IFT27: variants seen among roughly 807,000 people sequenced by gnomAD.
IFT27 encodes intraflagellar transport 27, also known as intraflagellar transport protein 27 homolog.
Under a neutral mutation model 23.9 loss-of-function variants are expected in IFT27, and 19 were observed. The observed-to-expected ratio is 0.79, with a 90% CI of 0.55 to 1.16. The LOEUF (loss-of-function observed/expected upper bound fraction) is 1.16. IFT27 is among the 50% of genes most tolerant of loss of function. The pLI is 0.00. For synonymous variants in IFT27, 91 were observed against 89.1 expected (o/e 1.02, Z -0.12); for missense variants, 206 against 228.7 (o/e 0.90, Z 0.64).
At chr22:36,763,603 A>G in intron 5 of IFT27, 1 of 453,944 alleles carries the variant, frequency 2.2e-6, no homozygotes, top group South Asian at 2.1e-5. Flanking sequence ...TATACAAGAG[A>G]AAATTAGGAA....
intron 1 of IFT27, among the ~76,000 whole-genome samples, chr22:36,774,328 CT>C (rs1555908925): frequency 1.3e-5 from 2 of 152,184 alleles, no homozygotes; most frequent in Non-Finnish European, 2.9e-5. Context: ...CTCTTTTTCT[CT>C]ATATAATTTC....
Position 36,775,844 on chromosome 22 carries a change from C to T in IFT27, c.-137G>A, listed in dbSNP as rs143672566. 1.6e-3 allele frequency: 953 copies of T among 578,950 alleles called. 7 individuals are homozygous for T. The African/African-American group carries it at 0.018, about 11-fold the overall frequency. The allele number at this position is 578,950 out of a possible 1,614,324, so 35.9% of individuals were successfully genotyped here. A position where few individuals can be genotyped will look rare whatever the true frequency, so the allele number is the denominator to read the frequency against. On this transcript the variant is annotated 5_prime_UTR_variant, in exon 1 of 7. Coordinates refer to ENST00000433985, the MANE Select transcript of IFT27 (RefSeq NM_001177701.3). ...AGGGCTGATCTCAAGGGTCAGTGGC[C>T]GCGACGGGACTGGGGATGACCGAGC...
intron 1 of IFT27, among the ~76,000 whole-genome samples, chr22:36,772,250 G>C (rs1223833533): frequency 6.6e-6 from 1 of 152,150 alleles, no homozygotes; most frequent in African/African-American, 2.4e-5. Context: ...TATATCAAGA[G>C]GCAGCATATT....
intron 6 of IFT27, chr22:36,760,026 G>C (rs1435577189): frequency 6.6e-6 from 1 of 152,266 alleles, no homozygotes; most frequent in African/African-American, 2.4e-5. Flanking sequence ...GAGTGCCGAG[G>C]AAAGAGTGGA....
chr22:36,767,887 A>C, intron 1 of IFT27, 25 bp from the exon 2 acceptor site: 1 of 1,588,760 alleles, frequency 6.3e-7, no homozygotes, highest in Non-Finnish European at 8.6e-7. Context: ...AAGAAGAAAA[A>C]GAACGCCTTA....
At chr22:36,763,105 A>AAAT in intron 5 of IFT27, 92 bp from the exon 6 acceptor site, 1 of 862,142 alleles carries the variant, frequency 1.2e-6, no homozygotes, top group East Asian at 2.9e-5. Context: ...TGAGGGGTGT[A>AAAT]AAGCATCCTC....
chr22:36,773,958 G>A (rs1390292793), intron 1 of IFT27, among the ~76,000 whole-genome samples: 4 of 152,038 alleles, frequency 2.6e-5, no homozygotes, highest in African/African-American at 9.7e-5. Flanking sequence ...GCTCCATGAT[G>A]AAAACCGAAT....
intron 1 of IFT27, among the ~76,000 whole-genome samples, chr22:36,770,227 C>T (rs140467921): frequency 3.3e-5 from 5 of 152,262 alleles, no homozygotes; most frequent in South Asian, 2.1e-4. Context: ...TTGCCAAGGC[C>T]GATGGCCTTT....
intron 5 of IFT27, chr22:36,763,618 T>TC: frequency 2.1e-6 from 1 of 482,798 alleles, no homozygotes; most frequent in East Asian, 4.1e-5. Context: ...TAGGAACTCT[T>TC]CCCTGGGGTT....
chr22:36,766,084 A>C, intron 4 of IFT27, 54 bp downstream of exon 4: 1 of 1,384,916 alleles, frequency 7.2e-7, no homozygotes, highest in Non-Finnish European at 1.0e-6. Flanking sequence ...TGTCAGGGGT[A>C]AACGTTTTGG....
chr22:36,761,229 G>T (rs1226016598), intron 6 of IFT27: 1 of 152,164 alleles, frequency 6.6e-6, no homozygotes, highest in Non-Finnish European at 1.5e-5. Flanking sequence ...TTTAATTTCT[G>T]AGTTCTATCA....
intron 4 of IFT27, among the ~76,000 whole-genome samples, chr22:36,765,618 C>T (rs990590627): frequency 6.6e-6 from 1 of 152,152 alleles, no homozygotes. Flanking sequence ...GAGACTGTTA[C>T]CGTGGAAGGT....
At chr22:36,766,628 A>C (rs1026908644) in intron 3 of IFT27, among the ~76,000 whole-genome samples, 1 of 152,198 alleles carries the variant, frequency 6.6e-6, no homozygotes, top group Non-Finnish European at 1.5e-5. Flanking sequence ...AGGCCTGGGG[A>C]AGGTGTTTAA....
intron 1 of IFT27, among the ~76,000 whole-genome samples, chr22:36,772,002 C>A (rs1011615834): frequency 6.6e-6 from 1 of 152,178 alleles, no homozygotes; most frequent in Non-Finnish European, 1.5e-5. Context: ...CATTCCTGTT[C>A]GCCCAGTCCC....
At chr22:36,758,522 T>G in intron 6 of IFT27, 113 bp from the exon 7 acceptor site, 1 of 783,590 alleles carries the variant, frequency 1.3e-6, no homozygotes, top group South Asian at 1.5e-5. Flanking sequence ...TCATTTCATC[T>G]TCACGCCCTT....
chr22:36,759,857 T>G (rs1343751858), intron 6 of IFT27: 1 of 152,186 alleles, frequency 6.6e-6, no homozygotes, highest in Non-Finnish European at 1.5e-5. Context: ...AGCATCCAGA[T>G]TCTCTGATTT....
chr22:36,767,129 C>T (rs577930596), intron 3 of IFT27, 177 bp downstream of exon 3: 2 of 512,802 alleles, frequency 3.9e-6, no homozygotes, highest in Middle Eastern at 2.9e-4. Flanking sequence ...TTCCTTCCTT[C>T]CTCCTCCACC....
rs183710759 is a variant in IFT27, at chr22:36,772,687, C to T, written c.34+2987G>A. On this transcript the variant is annotated intron_variant, in intron 1 of 6. Coordinates refer to ENST00000433985, the MANE Select transcript of IFT27 (RefSeq NM_001177701.3). ...GCTTGCAGGCCCACTGCACCTTGCACGGTGACTCTGACGTAGTAGGTGCTC... is the reference window on the plus strand; with the variant it reads ...GCTTGCAGGCCCACTGCACCTTGCATGGTGACTCTGACGTAGTAGGTGCTC... 3.6e-4 allele frequency: 353 copies of T among 985,260 alleles called. 1 individual carries two copies. The highest frequency in any genetic ancestry group is 2.3e-3 in the Admixed American group (37 of 16,294). 61.0% of individuals were successfully genotyped at this position (985,260 alleles called of 1,614,324 possible).
intron 1 of IFT27, chr22:36,768,542 T>G (rs1229333834): frequency 6.0e-6 from 1 of 167,254 alleles, no homozygotes; most frequent in African/African-American, 2.4e-5. Flanking sequence ...ACTGGCTTTA[T>G]CTCCCTCTCC....
Sources: gnomAD v4.1 joint callset for allele counts (sites outside exome capture counted in the v4.1 genomes callset) on GRCh38, gnomAD v4.1.1 for gene constraint, MANE v1.5 for transcripts, NCBI Gene and HGNC (gene_info 2026-07-23, HGNC 2026-07-21) for gene names.